The following MAP2 variants were observed in gnomAD, a reference collection of about 807,000 sequenced individuals.
MAP2 encodes the protein microtubule-associated protein 2.
MAP2 carries 14 observed loss-of-function variants against 137.6 expected under a neutral mutation model. The ratio of observed to expected loss-of-function variants is 0.10; its 90% CI spans 0.07 to 0.16. MAP2 has a LOEUF of 0.16. Ranked by LOEUF, MAP2 falls within the 10% of genes least tolerant of loss-of-function variation. The pLI is 1.00. For synonymous variants in MAP2, 786 were observed against 782.3 expected (o/e 1.00, Z -0.08); for missense variants, 2,088 against 2,191.5 (o/e 0.95, Z 0.94).
intron 3 of MAP2, among the ~76,000 whole-genome samples, chr2:209,589,033 A>G (rs577545699): frequency 1.3e-5 from 2 of 152,284 alleles, no homozygotes; most frequent in South Asian, 4.1e-4. Flanking sequence ...TACATTAAGC[A>G]TGCAATGTTT....
intron 13 of MAP2, among the ~76,000 whole-genome samples, chr2:209,711,499 C>T (rs1051564429): frequency 6.6e-6 from 1 of 152,094 alleles, no homozygotes; most frequent in African/African-American, 2.4e-5. Flanking sequence ...ACAATGATAA[C>T]ATTCTATAAT....
chr2:209,586,461 G>T (rs1215684883), intron 3 of MAP2, among the ~76,000 whole-genome samples: 1 of 152,072 alleles, frequency 6.6e-6, no homozygotes. Context: ...CTTTATCCTG[G>T]ACTGAAGGAT....
At chr2:209,574,435 AC>A (rs2074969103) in intron 2 of MAP2, among the ~76,000 whole-genome samples, 1 of 20,188 alleles carries the variant, frequency 5.0e-5, no homozygotes, top group Non-Finnish European at 1.5e-4. Context: ...GTATAGATAC[AC>A]ACACACACAC....
chr2:209,517,210 T>G (rs1182327562), intron 2 of MAP2, among the ~76,000 whole-genome samples: 1 of 152,090 alleles, frequency 6.6e-6, no homozygotes, highest in African/African-American at 2.4e-5. Context: ...AATTTTTGGA[T>G]TTTCTTATAT....
intron 3 of MAP2, among the ~76,000 whole-genome samples, chr2:209,593,619 C>CAAAAAAAA (rs781329429): frequency 0.014 from 41 of 2,930 alleles, 12 homozygotes; most frequent in Non-Finnish European, 0.033. Context: ...CCTGTCTCTA[C>CAAAAAAAA]AAAAAAAAAA....
chr2:209,653,459 G>C, intron 5 of MAP2, 27 bp downstream of exon 5: 1 of 1,552,970 alleles, frequency 6.4e-7, no homozygotes, highest in Non-Finnish European at 8.7e-7. Flanking sequence ...CTGTCACCAA[G>C]TGCTTGCTTT....
At chr2:209,569,315 AGTGTT>A (rs2074008563) in intron 2 of MAP2, among the ~76,000 whole-genome samples, 2 of 145,984 alleles carry the variant, frequency 1.4e-5, no homozygotes, top group African/African-American at 5.6e-5. Flanking sequence ...TTTTAATTTC[AGTGTT>A]TCAGTGTTCA....
chr2:209,589,676 AAATGAAAT>A (rs1404957326), intron 3 of MAP2, among the ~76,000 whole-genome samples: 1 of 152,226 alleles, frequency 6.6e-6, no homozygotes, highest in Non-Finnish European at 1.5e-5. Flanking sequence ...ATATCACAGA[AAATGAAAT>A]AATGAAATAT....
At chr2:209,532,260 A>T (rs1190581256) in intron 2 of MAP2, among the ~76,000 whole-genome samples, 1 of 150,320 alleles carries the variant, frequency 6.7e-6, no homozygotes, top group Non-Finnish European at 1.5e-5. Flanking sequence ...AAAAAAAAAG[A>T]AGAGAAGGAG....
chr2:209,685,349 A>G (rs2056616198), intron 7 of MAP2, among the ~76,000 whole-genome samples: 1 of 152,166 alleles, frequency 6.6e-6, no homozygotes, highest in South Asian at 2.1e-4. Context: ...TTCCATCTGC[A>G]TTGGGAGTGA....
intron 13 of MAP2, 180 bp downstream of exon 13, chr2:209,710,434 C>T (rs769610186): frequency 3.0e-5 from 18 of 602,216 alleles, no homozygotes; most frequent in Non-Finnish European, 4.3e-5. Context: ...ACGAAAATCA[C>T]ATGACATGCC....
intron 5 of MAP2, among the ~76,000 whole-genome samples, chr2:209,670,958 G>A (rs2048571785): frequency 6.6e-6 from 1 of 151,876 alleles, no homozygotes; most frequent in Admixed American, 6.6e-5. Context: ...GTCTATAGCA[G>A]GTGCAAAATA....
rs151284006 is a variant in MAP2 at position 209,694,463 on chromosome 2, G to A, written c.2293G>A (p.Glu765Lys). ...KAPCFPVESKEEEQIEKVKAT... is the reference protein window; with the variant it reads ...KAPCFPVESKKEEQIEKVKAT... ...CCCTTGCTTCCCTGTAGAAAGCAAA[G>A]AGGAAGAACAGATAGAGAAAGTAAA... Residue 765 changes from glutamate (E) to lysine (K), a missense_variant, in exon 8 of 16, where the codon GAG becomes AAG. Physicochemically the swap from Glu to Lys is moderately conservative, Grantham distance 56. Around this residue, in one of 6 missense-constraint regions of MAP2, gnomAD observed 500 missense variants for 482.9 expected, o/e 1.04. Coordinates refer to ENST00000682079, the MANE Select transcript of MAP2 (RefSeq NM_001375505.1). The A allele has an allele frequency of 4.2e-5, 67 of 1,614,084 alleles. 1 individual carries two copies. In the Middle Eastern group the frequency reaches 6.6e-4, roughly 16 times the overall value.
intron 5 of MAP2, among the ~76,000 whole-genome samples, chr2:209,676,226 A>G (rs972676660): frequency 1.3e-4 from 19 of 151,954 alleles, no homozygotes; most frequent in Admixed American, 3.9e-4. Context: ...GAACAAGATC[A>G]TGTATTTTGC....
intron 1 of MAP2, among the ~76,000 whole-genome samples, chr2:209,499,725 G>T (rs1472300676): frequency 6.6e-6 from 1 of 152,150 alleles, no homozygotes; most frequent in Non-Finnish European, 1.5e-5. Context: ...ACAGGAGCAG[G>T]CACTTCACAT....
chr2:209,670,863 C>A (rs1460516525), intron 5 of MAP2, among the ~76,000 whole-genome samples: 1 of 151,738 alleles, frequency 6.6e-6, no homozygotes, highest in Non-Finnish European at 1.5e-5. Flanking sequence ...ACAAGAGTGC[C>A]CCCCTTTAAA....
chr2:209,502,208 T>C (rs1019628087), intron 1 of MAP2, among the ~76,000 whole-genome samples: 2 of 152,210 alleles, frequency 1.3e-5, no homozygotes, highest in African/African-American at 2.4e-5. Flanking sequence ...AGTCATCCTG[T>C]ATAATTGTGA....
intron 14 of MAP2, among the ~76,000 whole-genome samples, chr2:209,726,530 A>T (rs1184062053): frequency 6.6e-6 from 1 of 152,198 alleles, no homozygotes; most frequent in Non-Finnish European, 1.5e-5. Context: ...AATCCAAGGC[A>T]GGAGGATTGC....
At chr2:209,488,872 T>C (rs1031100367) in intron 1 of MAP2, among the ~76,000 whole-genome samples, 6 of 152,202 alleles carry the variant, frequency 3.9e-5, no homozygotes, top group African/African-American at 1.4e-4. Context: ...TTCAGCCGAC[T>C]TAAACGTTCC....
Sources: gnomAD v4.1 joint callset for allele counts (sites outside exome capture counted in the v4.1 genomes callset) on GRCh38, gnomAD v4.1.1 for gene constraint, gnomAD v4.1.1 regional missense constraint, MANE v1.5 for transcripts, NCBI Gene and HGNC (gene_info 2026-07-23, HGNC 2026-07-21) for gene names.